The following CEACAM21 variants were observed in gnomAD, a reference collection of about 807,000 sequenced individuals.
CEACAM21 encodes CEA cell adhesion molecule 21.
Under a neutral mutation model 33.2 loss-of-function variants are expected in CEACAM21, and 38 were observed. The observed-to-expected ratio is 1.14, with a 90% CI of 0.88 to 1.50. CEACAM21 has a LOEUF of 1.50. Among genes scored for constraint, CEACAM21 ranks in the 40% most tolerant of loss-of-function variants. The probability of loss-of-function intolerance (pLI) is 0.00; values close to 1 mark genes in which losing one functional copy is unlikely to be tolerated. For missense variants in CEACAM21, 385 were observed against 364.6 expected (o/e 1.06, Z -0.46); for synonymous variants, 156 against 143.0 (o/e 1.09, Z -0.65).
chr19:41,577,704 G>A (rs2043056295), intron 2 of CEACAM21, 145 bp downstream of exon 2: 2 of 1,184,252 alleles, frequency 1.7e-6, no homozygotes, highest in Admixed American at 4.6e-5. Context: ...ACACACCCAG[G>A]GGAGACAAAC....
At chr19:41,564,328 TTTA>T (rs1237286754) in intron 1 of CEACAM21, among the ~76,000 whole-genome samples, 2 of 147,162 alleles carry the variant, frequency 1.4e-5, no homozygotes, top group African/African-American at 2.6e-5. Flanking sequence ...GAGTGAGTTA[TTTA>T]TTATTTATTT....
upstream of CEACAM21, among the ~76,000 whole-genome samples, chr19:41,574,609 G>C (rs2042813137): frequency 6.6e-6 from 1 of 152,134 alleles, no homozygotes. Flanking sequence ...TCAGCCACCA[G>C]GGAAATGAAA....
At position 41,584,378 on chromosome 19, in the gene CEACAM21, G is replaced by A. The variant is rs1555794444; in HGVS notation, c.732G>A (p.Gly244=). The A allele has an allele frequency of 1.2e-6, 2 of 1,611,810 alleles. No individual in the cohort carries two copies. The highest frequency in any genetic ancestry group is 2.2e-5 in the East Asian group (1 of 44,818). The part of the protein sequence containing the change: ...SDDNTLGILI[G]VLVGSLLVAA... Reference sequence around the variant, plus strand: ...ACAACACTCTAGGCATCCTGATCGGGGTCCTGGTTGGGAGTCTTCTGGTGG... The same window carrying A: ...ACAACACTCTAGGCATCCTGATCGGAGTCCTGGTTGGGAGTCTTCTGGTGG... The change falls in exon 4 of 7, where the codon GGG becomes GGA. Residue 244 remains glycine, a synonymous_variant. Coordinates refer to ENST00000401445, the MANE Select transcript of CEACAM21 (RefSeq NM_001098506.4).
chr19:41,570,030 C>G (rs2042502795), intron 2 of CEACAM21, among the ~76,000 whole-genome samples: 1 of 152,298 alleles, frequency 6.6e-6, no homozygotes, highest in African/African-American at 2.4e-5. Flanking sequence ...GAGCGGGCCC[C>G]ACAGCTGTCA....
chr19:41,584,700 G>T (rs1440263701), intron 4 of CEACAM21, among the ~76,000 whole-genome samples: 1 of 152,198 alleles, frequency 6.6e-6, no homozygotes, highest in Non-Finnish European at 1.5e-5. Flanking sequence ...GCACAGCAAA[G>T]CCACAGCTGC....
intron 1 of CEACAM21, chr19:41,550,755 G>C (rs1406613132): frequency 6.6e-6 from 1 of 152,178 alleles, no homozygotes; most frequent in Non-Finnish European, 1.5e-5. Flanking sequence ...CTGGGTAACA[G>C]AGTGAGACTC....
chr19:41,580,823 T>C (rs1310224662), intron 3 of CEACAM21, among the ~76,000 whole-genome samples: 2 of 152,228 alleles, frequency 1.3e-5, no homozygotes, highest in African/African-American at 4.8e-5. Flanking sequence ...CATTGGTCAT[T>C]GGTGATTAAT....
chr19:41,584,493 G>A, intron 4 of CEACAM21, 50 bp downstream of exon 4: 1 of 1,512,110 alleles, frequency 6.6e-7, no homozygotes, highest in African/African-American at 1.4e-5. Context: ...CTGACCCCAG[G>A]CGAGAAGGAA....
At chr19:41,579,129 C>T in intron 2 of CEACAM21, 1 of 658,692 alleles carries the variant, frequency 1.5e-6, no homozygotes, top group Non-Finnish European at 2.6e-6. Flanking sequence ...TTTCAGGGCT[C>T]CCTGGTCCTG....
At chr19:41,561,129 G>A (rs1555786744) in intron 1 of CEACAM21, among the ~76,000 whole-genome samples, 1 of 152,202 alleles carries the variant, frequency 6.6e-6, no homozygotes, top group African/African-American at 2.4e-5. Context: ...ATCCATATAT[G>A]AGACACAATG....
chr19:41,563,329 AC>A (rs2042018524), intron 1 of CEACAM21, among the ~76,000 whole-genome samples: 1 of 152,088 alleles, frequency 6.6e-6, no homozygotes, highest in Admixed American at 6.5e-5. Context: ...TGTCCTGGCC[AC>A]CCCGGGACAG....
At chr19:41,578,590 C>T (rs2043131669) in intron 2 of CEACAM21, among the ~76,000 whole-genome samples, 1 of 152,178 alleles carries the variant, frequency 6.6e-6, no homozygotes, top group Admixed American at 6.5e-5. Flanking sequence ...GTTGGTTCAG[C>T]TCCTTTCTTC....
chr19:41,583,185 C>A (rs952597071), intron 3 of CEACAM21, among the ~76,000 whole-genome samples: 4 of 152,112 alleles, frequency 2.6e-5, no homozygotes, highest in Admixed American at 2.0e-4. Flanking sequence ...AGGGCAGGGG[C>A]AAAATACCAC....
intron 1 of CEACAM21, among the ~76,000 whole-genome samples, chr19:41,564,056 G>T (rs969029095): frequency 5.9e-5 from 9 of 152,190 alleles, no homozygotes; most frequent in African/African-American, 2.2e-4. Context: ...CATCACCAGG[G>T]TAAACCTAGC....
chr19:41,569,415 A>G (rs10409976), intron 2 of CEACAM21, among the ~76,000 whole-genome samples: 21,626 of 151,866 alleles, frequency 0.14, 3,108 homozygotes, highest in East Asian at 0.36. Flanking sequence ...AACTCGCTAT[A>G]TTGTCCAGCC....
At position 41,585,800 on chromosome 19, in the gene CEACAM21, A is replaced by G. The variant is rs1051554756; in HGVS notation, c.851-40A>G. ...ACACTCTTGCAGGAGGGGCCCAGCT[A>G]TCCTAACACTCTCGTGCTCACTTTT... On this transcript the variant is annotated intron_variant, in intron 5 of 6. Transcript: ENST00000401445. 1.0e-5 allele frequency: 16 copies of G among 1,603,736 alleles called. No individual in the cohort carries two copies. In the African/African-American group the frequency reaches 2.0e-4, roughly 20 times the overall value.
chr19:41,581,545 T>G (rs1204343443), intron 3 of CEACAM21, among the ~76,000 whole-genome samples: 1 of 151,172 alleles, frequency 6.6e-6, no homozygotes, highest in Non-Finnish European at 1.5e-5. Flanking sequence ...TGGTCTTGGC[T>G]GCTGATAAAG....
chr19:41,571,039 T>A (rs1274621376), intron 2 of CEACAM21, among the ~76,000 whole-genome samples: 1 of 152,086 alleles, frequency 6.6e-6, no homozygotes, highest in Non-Finnish European at 1.5e-5. Flanking sequence ...GTGGTCAAAC[T>A]GGTGGGGCTC....
At chr19:41,554,491 T>C (rs1203726460) in intron 1 of CEACAM21, among the ~76,000 whole-genome samples, 3 of 151,994 alleles carry the variant, frequency 2.0e-5, no homozygotes, top group Non-Finnish European at 4.4e-5. Flanking sequence ...TCCCATAACT[T>C]TGGAACCCTC....
Sources: gnomAD v4.1 joint callset for allele counts (sites outside exome capture counted in the v4.1 genomes callset) on GRCh38, gnomAD v4.1.1 for gene constraint, MANE v1.5 for transcripts, NCBI Gene and HGNC (gene_info 2026-07-23, HGNC 2026-07-21) for gene names.